Variants in SYNPO observed in about 807,000 individuals in gnomAD.
SYNPO encodes synaptopodin.
Under a neutral mutation model 49.5 loss-of-function variants are expected in SYNPO, and 19 were observed. The observed-to-expected ratio is 0.38, with a 90% confidence interval of 0.27 to 0.56. SYNPO has a LOEUF of 0.56. Among genes scored for constraint, SYNPO ranks in the 20% least tolerant of loss-of-function variants. SYNPO has a pLI of 0.68. For missense variants in SYNPO, 1,131 were observed against 1,248.3 expected, an observed-to-expected ratio of 0.91 and a Z score of 1.42; for synonymous variants, 536 against 548.0, an observed-to-expected ratio of 0.98 and a Z score of 0.31.
chr5:150,631,225 G>A (rs560450685), intron 2 of SYNPO, among the ~76,000 whole-genome samples: 3 of 152,334 alleles, frequency 2.0e-5, no homozygotes, highest in Non-Finnish European at 2.9e-5. Flanking sequence ...CCTGCCCTGC[G>A]GGGACAGGCA....
chr5:150,637,431 G>A (rs1245964340), upstream of SYNPO, among the ~76,000 whole-genome samples: 2 of 152,148 alleles, frequency 1.3e-5, no homozygotes, highest in Admixed American at 6.5e-5. Context: ...CGAATGCCTC[G>A]CACATTAGAA....
chr5:150,647,546 G>C (rs541165630), intron 1 of SYNPO, among the ~76,000 whole-genome samples: 88 of 152,200 alleles, frequency 5.8e-4, no homozygotes, highest in Non-Finnish European at 1.1e-3. Flanking sequence ...TTTCAAGGAA[G>C]AGAAAGCAAG....
exon 2 of SYNPO, chr5:150,618,213 C>T: frequency 1.1e-6 from 1 of 929,024 alleles, no homozygotes; most frequent in South Asian, 1.9e-5. Context: ...GACCTCACCC[C>T]AATTCTGTGA....
chr5:150,618,250 A>G (rs1159459805), exon 2 of SYNPO: 8 of 1,276,278 alleles, frequency 6.3e-6, no homozygotes, highest in Non-Finnish European at 8.4e-6. Context: ...AAAAGTGCAG[A>G]GAGTCAGAGG....
intron 1 of SYNPO, among the ~76,000 whole-genome samples, chr5:150,646,418 G>A (rs930644043): frequency 2.0e-5 from 3 of 152,102 alleles, no homozygotes; most frequent in Admixed American, 1.3e-4. Context: ...CCTAAAAAGG[G>A]GAAATATTAG....
chr5:150,635,188 G>A (rs1182753391), intron 2 of SYNPO, among the ~76,000 whole-genome samples: 3 of 152,222 alleles, frequency 2.0e-5, no homozygotes, highest in African/African-American at 7.2e-5. Context: ...GTGTACCTGC[G>A]GGTGCTCAGT....
At chr5:150,613,602 C>T (rs1756908136) in intron 1 of SYNPO, among the ~76,000 whole-genome samples, 1 of 152,156 alleles carries the variant, frequency 6.6e-6, no homozygotes, top group Admixed American at 6.5e-5. Context: ...GTCAGAGCCA[C>T]ACTCTAGGAC....
chr5:150,609,786 C>CGGTGG (rs556541438), intron 1 of SYNPO, among the ~76,000 whole-genome samples: 8 of 105,358 alleles, frequency 7.6e-5, no homozygotes, highest in African/African-American at 3.0e-4. Flanking sequence ...GTGAATGTGG[C>CGGTGG]GGGGGGGGGC....
At chr5:150,624,468 C>T (rs1276705366) in intron 2 of SYNPO, among the ~76,000 whole-genome samples, 1 of 152,160 alleles carries the variant, frequency 6.6e-6, no homozygotes, top group Non-Finnish European at 1.5e-5. Flanking sequence ...ACAGACCGAC[C>T]GACCTAGCGA....
intron 1 of SYNPO, among the ~76,000 whole-genome samples, chr5:150,642,602 G>C (rs1188986151): frequency 6.6e-6 from 1 of 152,114 alleles, no homozygotes; most frequent in South Asian, 2.1e-4. Flanking sequence ...CTAGTCTGAG[G>C]AATTTTAGAT....
At chr5:150,630,632 C>G (rs1280318860) in intron 2 of SYNPO, among the ~76,000 whole-genome samples, 1 of 152,188 alleles carries the variant, frequency 6.6e-6, no homozygotes, top group African/African-American at 2.4e-5. Flanking sequence ...CTGCCAGGCC[C>G]CACTCAGGTC....
In SYNPO at chr5:150,657,360, ACGT is replaced by A. The variant is rs1290023653; in HGVS notation, c.*275_*277del. 1 of 492,388 alleles carries A rather than the reference ACGT, an allele frequency of 2.0e-6. No individual in the cohort carries two copies. The highest frequency in any genetic ancestry group is 3.7e-6 in the Non-Finnish European group (1 of 272,516). The allele number at this position is 492,388 out of a possible 1,614,324, so 30.5% of individuals were successfully genotyped here. On this transcript the variant is annotated 3_prime_UTR_variant, in exon 3 of 3. Coordinates refer to ENST00000307662, the MANE Select transcript of SYNPO (RefSeq NM_007286.6). The stretch of plus-strand genomic sequence containing the variant: ...TGGCTTTGGCCAAGGCAATCCACAA[ACGT>A]CAAAATTCCCCTTCCCATCAGTACA...
Position 150,603,203 on chromosome 5 carries a change from G to A in SYNPO, c.-266+2015G>A, listed in dbSNP as rs535046944. Among the ~76,000 whole-genome samples, 5 of 152,354 alleles carry A rather than the reference G, an allele frequency of 3.3e-5. No homozygotes were observed. The East Asian group carries it at 9.6e-4, about 29-fold the overall frequency. ...ACTGACATTTTCAAGTGCTTTGTCC[G>A]GCCTCAGCCTGGCTTTGAATCACCA... is the stretch of plus-strand genomic sequence containing the variant. On this transcript the variant is annotated intron_variant, in intron 1 of 2. Coordinates refer to the SYNPO transcript ENST00000394243.
intron 1 of SYNPO, among the ~76,000 whole-genome samples, chr5:150,646,889 A>G (rs958999413): frequency 6.6e-6 from 1 of 152,244 alleles, no homozygotes; most frequent in Admixed American, 6.5e-5. Context: ...GCATTCAGCA[A>G]TATCTACCGA....
At chr5:150,610,976 T>G (rs1456043483) in intron 1 of SYNPO, among the ~76,000 whole-genome samples, 1 of 152,228 alleles carries the variant, frequency 6.6e-6, no homozygotes, top group East Asian at 1.9e-4. Flanking sequence ...GTTTCTAAGT[T>G]TGTCACCTAA....
chr5:150,600,029 A>G (rs1396996640), upstream of SYNPO, among the ~76,000 whole-genome samples: 1 of 152,182 alleles, frequency 6.6e-6, no homozygotes, highest in Non-Finnish European at 1.5e-5. Flanking sequence ...CTTGCCAGCA[A>G]ACACAAGCTC....
intron 2 of SYNPO, among the ~76,000 whole-genome samples, chr5:150,630,594 C>T (rs1312153208): frequency 6.6e-6 from 1 of 152,212 alleles, no homozygotes. Flanking sequence ...ACCACCCAAC[C>T]TGAGCCAGTT....
upstream of SYNPO, among the ~76,000 whole-genome samples, chr5:150,638,326 T>G (rs59977445): frequency 6.8e-3 from 1,038 of 152,272 alleles, 11 homozygotes; most frequent in African/African-American, 0.024. Context: ...GATTTGAGAT[T>G]TCATCTCCTT....
intron 1 of SYNPO, among the ~76,000 whole-genome samples, chr5:150,609,803 G>A (rs1756799248): frequency 6.6e-6 from 1 of 151,732 alleles, no homozygotes; most frequent in Admixed American, 6.6e-5. Context: ...GGGCAGTGTG[G>A]AGCAGTCTCA....
Sources: allele counts gnomAD v4.1 joint callset (sites outside exome capture counted in the v4.1 genomes callset), GRCh38; gene constraint gnomAD v4.1.1; transcripts MANE v1.5; gene names NCBI Gene and HGNC (gene_info 2026-07-23, HGNC 2026-07-21).